The following SIN3B variants were observed in gnomAD, a reference collection of about 807,000 sequenced individuals.
The protein encoded by SIN3B is SIN3 transcription regulator family member B.
A neutral mutation model predicts 120.2 loss-of-function variants in SIN3B; 19 were observed. That is an observed-to-expected ratio of 0.16 (90% CI 0.11 to 0.23). The LOEUF (loss-of-function observed/expected upper bound fraction) is 0.23. Ranked by LOEUF, SIN3B falls within the 10% of genes least tolerant of loss-of-function variation. The pLI, the probability that SIN3B is intolerant of heterozygous loss-of-function variation, is 1.00. For synonymous variants in SIN3B, 654 were observed against 653.2 expected (o/e 1.00, Z -0.02); for missense variants, 1,073 against 1,573.0 (o/e 0.68, Z 5.38).
chr19:16,852,123 G>T (rs1178000989), intron 6 of SIN3B, among the ~76,000 whole-genome samples: 1 of 152,120 alleles, frequency 6.6e-6, no homozygotes, highest in African/African-American at 2.4e-5. Flanking sequence ...TTTGGCTCTT[G>T]TGTCCTTTTT....
At chr19:16,870,853 C>T (rs1213592425) in intron 13 of SIN3B, among the ~76,000 whole-genome samples, 1 of 152,138 alleles carries the variant, frequency 6.6e-6, no homozygotes, top group African/African-American at 2.4e-5. Context: ...CGCGCCCAGC[C>T]CAATTTTTTG....
At chr19:16,859,406 A>C (rs891474716) in intron 8 of SIN3B, among the ~76,000 whole-genome samples, 1 of 152,072 alleles carries the variant, frequency 6.6e-6, no homozygotes, top group Non-Finnish European at 1.5e-5. Context: ...AAGCAACTGC[A>C]CCGCTTTTCC....
intron 3 of SIN3B, among the ~76,000 whole-genome samples, chr19:16,832,944 A>G (rs1971298385): frequency 6.6e-6 from 1 of 152,230 alleles, no homozygotes; most frequent in Non-Finnish European, 1.5e-5. Context: ...CATTTAAGGC[A>G]TAATTCTTTG....
chr19:16,853,012 G>A (rs1599599608), intron 6 of SIN3B, 57 bp from the exon 7 acceptor site: 2 of 1,421,058 alleles, frequency 1.4e-6, no homozygotes, highest in Non-Finnish European at 2.0e-6. Flanking sequence ...TGACAGCGAT[G>A]GACAGAGGCC....
intron 3 of SIN3B, among the ~76,000 whole-genome samples, chr19:16,840,424 C>T (rs966520987): frequency 2.6e-5 from 4 of 152,210 alleles, no homozygotes; most frequent in Non-Finnish European, 5.9e-5. Flanking sequence ...CTCCTGGCAC[C>T]TTGACCTTGG....
rs2144634278 is a variant in SIN3B at position 16,876,699 on chromosome 19, A to G, written c.2859+121A>G. Reference sequence around the variant, plus strand: ...TCCAGAGACCCTCCCTCTGCAGGCCACAGGCTCTCCTTGAGGCCTGGTGGG... The same window carrying G: ...TCCAGAGACCCTCCCTCTGCAGGCCGCAGGCTCTCCTTGAGGCCTGGTGGG... On this transcript the variant is annotated intron_variant, in intron 16 of 18. Coordinates refer to ENST00000248054, the MANE Select transcript of SIN3B (RefSeq NM_001297595.2). This position sits in a 1 kb window ranked among gnomAD's most constrained non-coding sequence, Gnocchi z 7.1. The G allele has an allele frequency of 5.4e-6, 4 of 735,834 alleles. No individual in the cohort carries two copies. The highest frequency in any genetic ancestry group is 6.7e-6 in the Non-Finnish European group (3 of 445,806). 45.6% of individuals were successfully genotyped at this position (735,834 alleles called of 1,614,324 possible).
At chr19:16,842,025 C>T (rs1971424539) in intron 4 of SIN3B, 57 bp downstream of exon 4, 1 of 1,330,292 alleles carries the variant, frequency 7.5e-7, no homozygotes. Context: ...GTTTGGGGCC[C>T]TGCAGATATT....
chr19:16,866,351 C>G, intron 11 of SIN3B, 22 bp from the exon 12 acceptor site: 1 of 1,600,820 alleles, frequency 6.2e-7, no homozygotes. Context: ...GTCCCTGGTG[C>G]TGACCTCTCT....
At chr19:16,871,841 A>G (rs2051515710) in intron 14 of SIN3B, among the ~76,000 whole-genome samples, 1 of 151,938 alleles carries the variant, frequency 6.6e-6, no homozygotes, top group African/African-American at 2.4e-5. Context: ...TGCCTTATAG[A>G]GATTGTGAGC....
At chr19:16,832,291 A>T (rs930756115) in intron 3 of SIN3B, among the ~76,000 whole-genome samples, 3 of 142,962 alleles carry the variant, frequency 2.1e-5, no homozygotes, top group African/African-American at 7.8e-5. Context: ...TCCGCCTCCC[A>T]GGTTCAAGCA....
intron 3 of SIN3B, among the ~76,000 whole-genome samples, chr19:16,839,504 T>C (rs1380028080): frequency 1.3e-5 from 2 of 152,108 alleles, no homozygotes; most frequent in African/African-American, 4.8e-5. Context: ...AGAGGGTGCA[T>C]GCGGAGCTTG....
intron 3 of SIN3B, among the ~76,000 whole-genome samples, chr19:16,833,329 G>A (rs887685378): frequency 1.3e-5 from 2 of 152,154 alleles, no homozygotes; most frequent in Non-Finnish European, 2.9e-5. Context: ...TGTGCAAGGT[G>A]TGTGTCAATT....
chr19:16,860,100 G>T (rs1054793650), intron 8 of SIN3B, among the ~76,000 whole-genome samples: 1 of 152,200 alleles, frequency 6.6e-6, no homozygotes, highest in Admixed American at 6.5e-5. Context: ...GTAGAGACTC[G>T]TATGGGGAAG....
At chr19:16,857,103 A>G (rs1319762647) in intron 8 of SIN3B, among the ~76,000 whole-genome samples, 1 of 152,248 alleles carries the variant, frequency 6.6e-6, no homozygotes, top group Non-Finnish European at 1.5e-5. Flanking sequence ...TTTTATGTAT[A>G]GCATCCTGTT....
At chr19:16,846,537 G>A (rs1162740531) in intron 4 of SIN3B, 1 of 157,300 alleles carries the variant, frequency 6.4e-6, no homozygotes, top group Non-Finnish European at 1.4e-5. Context: ...TTTAAGGTCT[G>A]GATCAGGCCA....
intron 4 of SIN3B, among the ~76,000 whole-genome samples, chr19:16,844,751 A>G (rs1971459526): frequency 6.6e-6 from 1 of 152,234 alleles, no homozygotes; most frequent in East Asian, 1.9e-4. Context: ...GTGGCCGAGA[A>G]TTACATGAAT....
At chr19:16,853,304 T>C in intron 7 of SIN3B, 146 bp downstream of exon 7, 1 of 692,184 alleles carries the variant, frequency 1.4e-6, no homozygotes, top group East Asian at 2.7e-5. Flanking sequence ...GGCCCCCAGC[T>C]TTCACTGCGG....
chr19:16,860,473 T>C (rs1971671826), intron 8 of SIN3B, among the ~76,000 whole-genome samples: 1 of 151,956 alleles, frequency 6.6e-6, no homozygotes, highest in South Asian at 2.1e-4. Context: ...AGGGTTGGCA[T>C]AGGGTTCTTA....
At chr19:16,843,015 T>A (rs1226230438) in intron 4 of SIN3B, among the ~76,000 whole-genome samples, 2 of 152,216 alleles carry the variant, frequency 1.3e-5, no homozygotes, top group East Asian at 3.8e-4. Context: ...GAGGGACATC[T>A]GTGTCGTGAG....
Sources: gnomAD v4.1 joint callset for allele counts (sites outside exome capture counted in the v4.1 genomes callset) on GRCh38, gnomAD v4.1.1 for gene constraint, Gnocchi (gnomAD v3.1) non-coding constraint, MANE v1.5 for transcripts, NCBI Gene and HGNC (gene_info 2026-07-23, HGNC 2026-07-21) for gene names.